The following BRD10 variants were observed in gnomAD, a reference collection of about 807,000 sequenced individuals.
BRD10 encodes the protein bromodomain containing 10, also known as uncharacterized bromodomain-containing protein 10.
the BRD10 span, chr9:5,907,109 A>G: frequency 7.6e-6 from 5 of 658,650 alleles, no homozygotes; most frequent in Non-Finnish European, 9.7e-6. Context: ...ACTCATTGCC[A>G]CTGAACTATA....
At chr9:5,920,781 C>G in the BRD10 span, 39 of 1,613,786 alleles carry the variant, frequency 2.4e-5, no homozygotes, top group East Asian at 8.9e-5. Flanking sequence ...ATTTGCAAAG[C>G]TGATGTTAAA....
At chr9:5,945,856 C>G in the BRD10 span, among the ~76,000 whole-genome samples, 3 of 151,798 alleles carry the variant, frequency 2.0e-5, no homozygotes, top group Non-Finnish European at 4.4e-5. Flanking sequence ...GAGGAAAAAT[C>G]TCAGATTAAT....
chr9:5,909,025 T>C, the BRD10 span: 1 of 322,806 alleles, frequency 3.1e-6, no homozygotes, highest in Non-Finnish European at 5.7e-6. Context: ...TCTGGGGCCA[T>C]CCAATTTCTC....
At chr9:5,886,054 C>G in the BRD10 span, among the ~76,000 whole-genome samples, 1 of 152,200 alleles carries the variant, frequency 6.6e-6, no homozygotes, top group Non-Finnish European at 1.5e-5. Context: ...TAGCGGGGAC[C>G]GAAAGCGGAA....
the BRD10 span, among the ~76,000 whole-genome samples, chr9:5,887,524 C>G: frequency 6.6e-6 from 1 of 152,208 alleles, no homozygotes; most frequent in Non-Finnish European, 1.5e-5. Flanking sequence ...GGTCTTGCCA[C>G]CAGTCATATA....
chr9:5,942,865 T>A, the BRD10 span, among the ~76,000 whole-genome samples: 5 of 152,172 alleles, frequency 3.3e-5, no homozygotes, highest in East Asian at 9.6e-4. Context: ...GTCAAATATT[T>A]GTAGTTTATG....
the BRD10 span, among the ~76,000 whole-genome samples, chr9:5,949,069 T>G: frequency 6.6e-6 from 1 of 152,132 alleles, no homozygotes; most frequent in Non-Finnish European, 1.5e-5. Flanking sequence ...AAGGGAGAAC[T>G]ATATTAATTT....
the BRD10 span, among the ~76,000 whole-genome samples, chr9:5,989,121 T>C: frequency 6.6e-6 from 1 of 151,158 alleles, no homozygotes; most frequent in Admixed American, 6.6e-5. Context: ...TTCCAGCTAC[T>C]CGGCAGGCTG....
the BRD10 span, among the ~76,000 whole-genome samples, chr9:5,934,193 CA>C: frequency 6.6e-6 from 1 of 152,132 alleles, no homozygotes; most frequent in African/African-American, 2.4e-5. Flanking sequence ...AAAACATATA[CA>C]ACAAAAGTAT....
At chr9:5,959,574 T>C in the BRD10 span, among the ~76,000 whole-genome samples, 31 of 152,290 alleles carry the variant, frequency 2.0e-4, no homozygotes, top group African/African-American at 6.0e-4. Flanking sequence ...ACATGGAGTA[T>C]AGTAAATCCT....
At chr9:5,909,565 A>T in the BRD10 span, 1 of 152,230 alleles carries the variant, frequency 6.6e-6, no homozygotes, top group Non-Finnish European at 1.5e-5. Flanking sequence ...GCTGGATCCT[A>T]TATCTTAGGT....
chr9:5,984,941 C>G, the BRD10 span, among the ~76,000 whole-genome samples: 1 of 151,672 alleles, frequency 6.6e-6, no homozygotes, highest in East Asian at 1.9e-4. Flanking sequence ...AAGTGAAGGT[C>G]CTAGTATAGA....
the BRD10 span, among the ~76,000 whole-genome samples, chr9:5,937,155 G>A: frequency 1.7e-4 from 26 of 151,550 alleles, no homozygotes; most frequent in Admixed American, 9.2e-4. Context: ...ACTTCAACCC[G>A]GAGGCGCAGG....
At chr9:5,917,710 G>A in the BRD10 span, among the ~76,000 whole-genome samples, 1 of 152,274 alleles carries the variant, frequency 6.6e-6, no homozygotes, top group African/African-American at 2.4e-5. Context: ...AAATTATCTG[G>A]GCTATGGTGG....
At chr9:5,943,577 T>C in the BRD10 span, among the ~76,000 whole-genome samples, 2 of 146,820 alleles carry the variant, frequency 1.4e-5, no homozygotes, top group Non-Finnish European at 3.0e-5. Context: ...GGCTACAGAG[T>C]AAATGACATT....
chr9:5,993,279 T>C, the BRD10 span, among the ~76,000 whole-genome samples: 130,316 of 145,892 alleles, frequency 0.89, 59,067 homozygotes, highest in Non-Finnish European at 0.99. Context: ...CTCACCACTG[T>C]ACTCCAGCCT....
the BRD10 span, among the ~76,000 whole-genome samples, chr9:5,912,215 G>A: frequency 3.9e-5 from 6 of 152,276 alleles, no homozygotes; most frequent in African/African-American, 1.4e-4. Context: ...ATTTTTTAAT[G>A]TTGATTTTGT....
At chr9:5,978,900 T>C in the BRD10 span, among the ~76,000 whole-genome samples, 893 of 152,338 alleles carry the variant, frequency 5.9e-3, 5 homozygotes, top group Non-Finnish European at 9.1e-3. Flanking sequence ...ACCTCTACCT[T>C]ACCTGTGAGG....
the BRD10 span, among the ~76,000 whole-genome samples, chr9:5,984,638 T>A: frequency 6.6e-6 from 1 of 152,008 alleles, no homozygotes. Flanking sequence ...CTGACAAAAC[T>A]CAGAGAAGAC....
Sources: gnomAD v4.1 joint callset for allele counts (sites outside exome capture counted in the v4.1 genomes callset) on GRCh38, gnomAD v4.1.1 for gene constraint, MANE v1.5 for transcripts, NCBI Gene and HGNC (gene_info 2026-07-23, HGNC 2026-07-21) for gene names.